The following NIPSNAP2 variants were observed in gnomAD, a reference collection of about 807,000 sequenced individuals.
The protein encoded by NIPSNAP2 is protein NipSnap homolog 2.
NIPSNAP2 carries 42 observed loss-of-function variants against 48.4 expected under a neutral mutation model. The ratio of observed to expected loss-of-function variants is 0.87; its 90% CI spans 0.68 to 1.12. The LOEUF (loss-of-function observed/expected upper bound fraction) is 1.12, where lower values mean the gene tolerates loss of function less well. Ranked by LOEUF, NIPSNAP2 falls within the 50% of genes most tolerant of loss-of-function variation. The pLI is 0.00. For missense variants in NIPSNAP2, 314 were observed against 347.3 expected (o/e 0.90, Z 0.76); for synonymous variants, 158 against 126.6 (o/e 1.25, Z -1.67).
intron 2 of NIPSNAP2, 27 bp downstream of exon 2, chr7:55,978,292 A>G (rs1240065585): frequency 6.2e-7 from 1 of 1,613,290 alleles, no homozygotes; most frequent in South Asian, 1.1e-5. Context: ...CTATCTTCAT[A>G]GTTGACTTTT....
intron 1 of NIPSNAP2, 79 bp from the exon 2 acceptor site, chr7:55,978,047 T>C: frequency 2.6e-6 from 4 of 1,518,746 alleles, no homozygotes; most frequent in Non-Finnish European, 3.6e-6. Context: ...CTAGAATAGC[T>C]GCTCACTGTG....
chr7:55,983,327 C>T (rs1295989960), intron 5 of NIPSNAP2, among the ~76,000 whole-genome samples: 1 of 152,194 alleles, frequency 6.6e-6, no homozygotes, highest in African/African-American at 2.4e-5. Flanking sequence ...TTAAAAGCCA[C>T]ACATCATTAA....
chr7:55,965,214 G>A (rs12154231), intron 1 of NIPSNAP2: 32,202 of 152,298 alleles, frequency 0.21, 3,724 homozygotes, highest in East Asian at 0.35. Context: ...CGGAGCGTAG[G>A]GGAAGTTAGA....
chr7:55,985,017 TATG>T, intron 7 of NIPSNAP2, 139 bp downstream of exon 7: 1 of 629,388 alleles, frequency 1.6e-6, no homozygotes, highest in South Asian at 2.2e-5. Context: ...ATGTTTTTAT[TATG>T]AGATTTTTCA....
chr7:55,978,514 C>T, intron 3 of NIPSNAP2, 119 bp downstream of exon 3: 1 of 923,566 alleles, frequency 1.1e-6, no homozygotes, highest in Non-Finnish European at 1.6e-6. Context: ...TGAAGCTGAA[C>T]ATTCAGAGGC....
Position 55,967,846 on chromosome 7 carries a change from C to T in NIPSNAP2, c.92+3145C>T, listed in dbSNP as rs375927666. On this transcript the variant is annotated intron_variant, in intron 1 of 9. Coordinates refer to ENST00000322090, the MANE Select transcript of NIPSNAP2 (RefSeq NM_001483.3). Reference sequence around the variant, plus strand: ...TGTATTTTTAGTAGAGATGGGGTTTCTCCATGTTGCCCAGGCTGGTCTCAA... The same window carrying T: ...TGTATTTTTAGTAGAGATGGGGTTTTTCCATGTTGCCCAGGCTGGTCTCAA... Among the ~76,000 whole-genome samples, 73 of 151,650 alleles carry T rather than the reference C, an allele frequency of 4.8e-4. 2 individuals carry two copies. The South Asian group carries it at 0.013, about 27-fold the overall frequency.
chr7:55,969,543 T>C (rs1475385459), intron 1 of NIPSNAP2, among the ~76,000 whole-genome samples: 1 of 152,154 alleles, frequency 6.6e-6, no homozygotes, highest in Non-Finnish European at 1.5e-5. Context: ...TACTTCCTTG[T>C]GTCATCATTG....
chr7:55,966,349 G>A (rs1786895439), intron 1 of NIPSNAP2, among the ~76,000 whole-genome samples: 1 of 152,174 alleles, frequency 6.6e-6, no homozygotes, highest in African/African-American at 2.4e-5. Flanking sequence ...ACTCACACTT[G>A]TAATCCCTGC....
intron 3 of NIPSNAP2, chr7:55,980,445 A>G (rs1399487080): frequency 6.6e-6 from 1 of 152,334 alleles, no homozygotes. Flanking sequence ...GGTGGTGATC[A>G]CTAGCTAAAT....
At chr7:55,971,737 A>G (rs1787019051) in intron 1 of NIPSNAP2, among the ~76,000 whole-genome samples, 1 of 152,144 alleles carries the variant, frequency 6.6e-6, no homozygotes, top group East Asian at 1.9e-4. Context: ...TTTTATTTCA[A>G]AGGCATCCTT....
chr7:55,976,554 A>G (rs916227411), intron 1 of NIPSNAP2, among the ~76,000 whole-genome samples: 1 of 152,154 alleles, frequency 6.6e-6, no homozygotes, highest in Non-Finnish European at 1.5e-5. Flanking sequence ...TTGTATTCCT[A>G]TTAGCTGGCA....
intron 4 of NIPSNAP2, 43 bp from the exon 5 acceptor site, chr7:55,982,167 C>T: frequency 1.6e-6 from 2 of 1,245,748 alleles, no homozygotes; most frequent in Non-Finnish European, 2.4e-6. Flanking sequence ...GTAGTAGTAT[C>T]ATGAAATTCT....
chr7:55,980,116 T>C, intron 3 of NIPSNAP2: 1 of 209,334 alleles, frequency 4.8e-6, no homozygotes, highest in Admixed American at 5.0e-5. Context: ...GACATACATT[T>C]CCCTAGCAGA....
chr7:55,995,120 G>C (rs1787532811), intron 8 of NIPSNAP2, 132 bp downstream of exon 8: 1 of 718,750 alleles, frequency 1.4e-6, no homozygotes, highest in South Asian at 1.7e-5. Flanking sequence ...GGGACAGTCT[G>C]TACGGGGCTG....
chr7:55,972,182 G>A (rs1787026300), intron 1 of NIPSNAP2, among the ~76,000 whole-genome samples: 1 of 151,610 alleles, frequency 6.6e-6, no homozygotes, highest in Non-Finnish European at 1.5e-5. Flanking sequence ...GGTGGGTGCC[G>A]CTAGTCTCAA....
At chr7:55,965,305 C>T (rs1420680865) in intron 1 of NIPSNAP2, 1 of 151,820 alleles carries the variant, frequency 6.6e-6, no homozygotes, top group African/African-American at 2.4e-5. Context: ...TTAGAGTTAT[C>T]AGCACTAAGT....
At chr7:55,966,632 A>G (rs1053184736) in intron 1 of NIPSNAP2, among the ~76,000 whole-genome samples, 1 of 152,084 alleles carries the variant, frequency 6.6e-6, no homozygotes, top group Non-Finnish European at 1.5e-5. Context: ...AAATACAAAA[A>G]TTAGCCCGGC....
At position 55,978,518 on chromosome 7, in the gene NIPSNAP2, C is replaced by T; in HGVS notation, c.278+123C>T. On this transcript the variant is annotated intron_variant, in intron 3 of 9. Transcript: ENST00000322090. ...TCCCTCTCTTTTGAAGCTGAACATT[C>T]AGAGGCTCTTAAACTGAGCTTCATG... The T allele has an allele frequency of 3.3e-6, 3 of 914,606 alleles. No homozygotes were observed. The South Asian group carries it at 5.4e-5, about 16-fold the overall frequency. 56.7% of individuals were successfully genotyped at this position (914,606 alleles called of 1,614,324 possible). A position where few individuals can be genotyped will look rare whatever the true frequency, so the allele number is the denominator to read the frequency against.
At chr7:55,994,869 A>T in intron 7 of NIPSNAP2, 25 bp from the exon 8 acceptor site, 1 of 1,602,914 alleles carries the variant, frequency 6.2e-7, no homozygotes. Context: ...CAGTGTCTTA[A>T]ACAAACATCA....
Sources: gnomAD v4.1 joint callset for allele counts (sites outside exome capture counted in the v4.1 genomes callset) on GRCh38, gnomAD v4.1.1 for gene constraint, MANE v1.5 for transcripts, NCBI Gene and HGNC (gene_info 2026-07-23, HGNC 2026-07-21) for gene names.